The following DHRS3 variants were observed in gnomAD, a reference collection of about 807,000 sequenced individuals.
The protein encoded by DHRS3 is dehydrogenase/reductase 3, also known as short-chain dehydrogenase/reductase 3.
DHRS3 carries 14 observed loss-of-function variants against 27.2 expected under a neutral mutation model. The observed-to-expected ratio is 0.52, with a 90% CI of 0.34 to 0.81. The LOEUF (loss-of-function observed/expected upper bound fraction) is 0.81, where lower values mean the gene tolerates loss of function less well. Among genes scored for constraint, DHRS3 ranks in the 30% least tolerant of loss-of-function variants. DHRS3 has a pLI of 0.01. For missense variants in DHRS3, 322 were observed against 406.2 expected, an observed-to-expected ratio of 0.79 and a Z score of 1.78; for synonymous variants, 165 against 175.9, an observed-to-expected ratio of 0.94 and a Z score of 0.49.
intron 5 of DHRS3, among the ~76,000 whole-genome samples, chr1:12,569,231 T>TCTCACACACACACACACA (rs1557509331): frequency 3.6e-5 from 4 of 110,478 alleles, no homozygotes; most frequent in South Asian, 5.9e-4. Flanking sequence ...TCTCTCTCTC[T>TCTCACACACACACACACA]CACACACACA....
intron 1 of DHRS3, among the ~76,000 whole-genome samples, chr1:12,602,899 C>T (rs1646845094): frequency 6.6e-6 from 1 of 152,256 alleles, no homozygotes; most frequent in Non-Finnish European, 1.5e-5. Context: ...AAGATTTTGG[C>T]TGCTGTGACA....
rs547916682 is a variant in DHRS3 at position 12,592,655 on chromosome 1, G to A, written c.196-11989C>T. 2.6e-4 allele frequency among the ~76,000 whole-genome samples: 40 copies of A among 152,226 alleles called. No individual in the cohort carries two copies. The South Asian group carries it at 6.9e-3, about 26-fold the overall frequency. On this transcript the variant is annotated intron_variant, in intron 1 of 5. Coordinates refer to ENST00000616661, the MANE Select transcript of DHRS3 (RefSeq NM_004753.7). This position sits in a 1 kb window ranked among gnomAD's most constrained non-coding sequence, Gnocchi z 4.2. ...ATGTGAGAGCAGCTTTGGTGTTTTG[G>A]GCCACACAGCTGGTGGTCATTTGTT... is the stretch of plus-strand genomic sequence containing the variant.
chr1:12,580,596 T>G lies in DHRS3; in HGVS notation c.266A>C (p.Glu89Ala). The change falls in exon 2 of 6, where the codon GAG (glutamate) becomes GCG (alanine). Residue 89 changes from glutamate (E) to alanine (A), a missense_variant. Coordinates refer to ENST00000616661, the MANE Select transcript of DHRS3 (RefSeq NM_004753.7). ...TTEEIRQMGTECHYFICDVGN... is the reference protein window; with the variant it reads ...TTEEIRQMGTACHYFICDVGN... ...CACATCACAGATGAAGTAATGGCAC[T>G]CAGTGCCCATCTGCCGGATCTCCTC... The G allele has an allele frequency of 6.2e-7, 1 of 1,614,158 alleles. No individual in the cohort carries two copies. The highest frequency in any genetic ancestry group is 8.5e-7 in the Non-Finnish European group (1 of 1,180,036).
chr1:12,616,812 G>C, intron 1 of DHRS3: 1 of 855,944 alleles, frequency 1.2e-6, no homozygotes, highest in Non-Finnish European at 1.5e-6. Context: ...GTGGCGGCAA[G>C]AAAAAGGGGG....
chr1:12,610,439 T>A lies in DHRS3; in HGVS notation c.195+6715A>T, dbSNP rs150329773. Among the ~76,000 whole-genome samples the A allele has an allele frequency of 5.4e-3, 828 of 152,260 alleles. 7 individuals are homozygous for A. The highest frequency in any genetic ancestry group is 0.019 in the African/African-American group (798 of 41,540). The stretch of plus-strand genomic sequence containing the variant: ...CTCTTACTAAAATGCCAGCTCTCAC[T>A]ACATGGGTGGGGATTTTCATCTGCT... On this transcript the variant is annotated intron_variant, in intron 1 of 5. Coordinates refer to ENST00000616661, the MANE Select transcript of DHRS3 (RefSeq NM_004753.7).
At chr1:12,603,880 T>C (rs1330139851) in intron 1 of DHRS3, among the ~76,000 whole-genome samples, 3 of 152,202 alleles carry the variant, frequency 2.0e-5, no homozygotes, top group East Asian at 1.9e-4. Flanking sequence ...CTCTCCACCC[T>C]GAGCTTGCCC....
chr1:12,594,535 G>A lies in DHRS3; in HGVS notation c.196-13869C>T, dbSNP rs1462824785. ...GTTGGAGGGAGTGATTATGGGGTGG[G>A]AGTGGTATTCAGATGGTGGGGGAAA... On this transcript the variant is annotated intron_variant, in intron 1 of 5. Coordinates refer to ENST00000616661, the MANE Select transcript of DHRS3 (RefSeq NM_004753.7). The surrounding 1 kb of genome is among the most constrained non-coding windows in gnomAD (Gnocchi z 4.1). Among the ~76,000 whole-genome samples the A allele has an allele frequency of 6.6e-6, 1 of 152,184 alleles. No homozygotes were observed. The highest frequency in any genetic ancestry group is 2.4e-5 in the African/African-American group (1 of 41,436).
intron 1 of DHRS3, among the ~76,000 whole-genome samples, chr1:12,606,997 G>A (rs1241760401): frequency 6.6e-6 from 1 of 152,146 alleles, no homozygotes; most frequent in Non-Finnish European, 1.5e-5. Context: ...GTTTTTTTGG[G>A]ATGTTCAAGG....
At chr1:12,569,214 TCCC>T (rs200570077) in intron 5 of DHRS3, among the ~76,000 whole-genome samples, 24,761 of 139,960 alleles carry the variant, frequency 0.18, 2,656 homozygotes, top group Non-Finnish European at 0.25. Context: ...TAAAACTCTG[TCCC>T]CTCTCTCTCT....
intron 1 of DHRS3, among the ~76,000 whole-genome samples, chr1:12,615,383 C>A (rs1274188188): frequency 6.6e-6 from 1 of 152,182 alleles, no homozygotes; most frequent in Non-Finnish European, 1.5e-5. Context: ...TTGGCCCTGG[C>A]TGGATTCCCT....
At chr1:12,579,092 AG>A in intron 3 of DHRS3, 136 bp from the exon 4 acceptor site, 1 of 1,236,156 alleles carries the variant, frequency 8.1e-7, no homozygotes, top group Non-Finnish European at 1.1e-6. Context: ...GAGAGGGCCG[AG>A]GGCTCCCTGC....
chr1:12,617,513 A>AT lies in DHRS3; in HGVS notation c.-166_-165insA. On this transcript the variant is annotated 5_prime_UTR_variant, in exon 1 of 6. Coordinates refer to ENST00000616661, the MANE Select transcript of DHRS3 (RefSeq NM_004753.7). ...CTTCCCAAATGCAAAGCACCGGGTG[A>AT]GAAAAAGAAAAAAAAAAAAAAAAAA... The AT allele has an allele frequency of 1.5e-5, 4 of 272,872 alleles. No homozygotes were observed. Among genetic ancestry groups the AT allele is most frequent in the Admixed American group, 6.3e-5 (1 of 15,968 alleles). 16.9% of individuals were successfully genotyped at this position (272,872 alleles called of 1,614,324 possible). A position where few individuals can be genotyped will look rare whatever the true frequency, so the allele number is the denominator to read the frequency against.
In DHRS3 at chr1:12,614,656, C is replaced by T. The variant is rs114329714; in HGVS notation, c.195+2498G>A. On this transcript the variant is annotated intron_variant, in intron 1 of 5. Transcript: ENST00000616661. ...ACTCTCTCCCTCCTTCCCAAATAAA[C>T]AGATAACTCCTGGACACGTCAGCTC... Among the ~76,000 whole-genome samples the T allele has an allele frequency of 1.6e-3, 241 of 150,612 alleles. 2 individuals are homozygous for T. The highest frequency in any genetic ancestry group is 5.5e-3 in the African/African-American group (225 of 40,892).
chr1:12,576,961 C>A (rs562589122), intron 4 of DHRS3, among the ~76,000 whole-genome samples: 39 of 151,456 alleles, frequency 2.6e-4, no homozygotes, highest in Non-Finnish European at 4.9e-4. Context: ...CAGTCATGAG[C>A]CACCAAGCCC....
rs993198059 is a variant in DHRS3 at position 12,608,169 on chromosome 1, G to T, written c.195+8985C>A. ...TGGGAATACAGGAGTGAGCCACTGT[G>T]CCTGGCCTATATTTTTTATTTTCAT... On this transcript the variant is annotated intron_variant, in intron 1 of 5. Transcript: ENST00000616661. The surrounding 1 kb of genome is among the most constrained non-coding windows in gnomAD (Gnocchi z 4.1). Among the ~76,000 whole-genome samples the T allele has an allele frequency of 6.6e-6, 1 of 152,170 alleles. No individual in the cohort carries two copies. Among genetic ancestry groups the T allele is most frequent in the Admixed American group, 6.5e-5 (1 of 15,276 alleles).
At chr1:12,615,521 G>C (rs1057114398) in intron 1 of DHRS3, among the ~76,000 whole-genome samples, 2 of 152,118 alleles carry the variant, frequency 1.3e-5, no homozygotes, top group Non-Finnish European at 2.9e-5. Flanking sequence ...ATTGTTTATA[G>C]TCAGTCGAGT....
intron 5 of DHRS3, among the ~76,000 whole-genome samples, chr1:12,570,850 G>A (rs1646529813): frequency 6.6e-6 from 1 of 152,218 alleles, no homozygotes; most frequent in South Asian, 2.1e-4. Context: ...GCCCCTGGGT[G>A]CCCCCTTCCC....
chr1:12,617,857 C>CCCCA lies in DHRS3; in HGVS notation c.-510_-509insTGGG, dbSNP rs1646956401. On this transcript the variant is annotated 5_prime_UTR_variant, in exon 1 of 6. Transcript: ENST00000616661. ...AGCGCCCCCACCCCCACCCCGTCTC[C>CCCCA]AGAAAAAAAAAAAAAAAAAAAGTGG... is the stretch of plus-strand genomic sequence containing the variant. 1 of 57,088 alleles carries CCCCA rather than the reference C, an allele frequency of 1.8e-5. No homozygotes were observed. The allele number at this position is 57,088 out of a possible 1,614,324, so 3.5% of individuals were successfully genotyped here. A position where few individuals can be genotyped will look rare whatever the true frequency, so the allele number is the denominator to read the frequency against.
chr1:12,571,343 C>T (rs1646534659), intron 5 of DHRS3, among the ~76,000 whole-genome samples: 1 of 152,242 alleles, frequency 6.6e-6, no homozygotes, highest in African/African-American at 2.4e-5. Context: ...ACATCCCACC[C>T]GACTGGTACT....
Sources: allele counts gnomAD v4.1 joint callset (sites outside exome capture counted in the v4.1 genomes callset), GRCh38; gene constraint gnomAD v4.1.1; non-coding constraint Gnocchi (gnomAD v3.1); transcripts MANE v1.5; gene names NCBI Gene and HGNC (gene_info 2026-07-23, HGNC 2026-07-21).